CHCHD6: variants seen among roughly 807,000 people sequenced by gnomAD.
CHCHD6 encodes coiled-coil-helix-coiled-coil-helix domain containing 6, also known as MICOS complex subunit MIC25.
CHCHD6 carries 28 observed loss-of-function variants against 32.3 expected under a neutral mutation model. The observed-to-expected ratio is 0.87, with a 90% CI of 0.64 to 1.19. The LOEUF (loss-of-function observed/expected upper bound fraction) is 1.19, where lower values mean the gene tolerates loss of function less well. Ranked by LOEUF, CHCHD6 falls within the 50% of genes most tolerant of loss-of-function variation. CHCHD6 has a pLI of 0.00. For missense variants in CHCHD6, 333 were observed against 307.0 expected (o/e 1.08, Z -0.63); for synonymous variants, 122 against 117.5 (o/e 1.04, Z -0.25).
At chr3:126,761,613 G>C (rs371262289) in intron 4 of CHCHD6, among the ~76,000 whole-genome samples, 31 of 151,982 alleles carry the variant, frequency 2.0e-4, no homozygotes, top group East Asian at 1.5e-3. Flanking sequence ...TTTTAATAGG[G>C]ACAGGGTCTT....
intron 2 of CHCHD6, 144 bp downstream of exon 2, chr3:126,727,330 G>A (rs1256790110): frequency 3.2e-5 from 15 of 474,818 alleles, no homozygotes; most frequent in East Asian, 1.6e-4. Context: ...AGGGCTTTCC[G>A]GAAGAGCATG....
At chr3:126,860,496 A>G (rs1415408423) in intron 5 of CHCHD6, among the ~76,000 whole-genome samples, 2 of 152,154 alleles carry the variant, frequency 1.3e-5, no homozygotes, top group Admixed American at 1.3e-4. Context: ...ACCTAACGTA[A>G]ATGATGAGTT....
At chr3:126,737,210 C>G (rs2107661582) in intron 4 of CHCHD6, among the ~76,000 whole-genome samples, 1 of 152,088 alleles carries the variant, frequency 6.6e-6, no homozygotes, top group African/African-American at 2.4e-5. Flanking sequence ...ATCCCAGCTA[C>G]TTGGGAGGCT....
intron 4 of CHCHD6, among the ~76,000 whole-genome samples, chr3:126,769,492 A>G (rs1459590412): frequency 2.6e-5 from 4 of 151,964 alleles, no homozygotes; most frequent in African/African-American, 9.7e-5. Context: ...TGCCTGGGCT[A>G]TTTGGGCTCT....
intron 4 of CHCHD6, among the ~76,000 whole-genome samples, chr3:126,797,253 CT>C (rs945136002): frequency 6.6e-6 from 1 of 152,128 alleles, no homozygotes; most frequent in Non-Finnish European, 1.5e-5. Flanking sequence ...ACCTTATGTT[CT>C]TTTTTTCTCT....
At chr3:126,747,493 C>T (rs1273805694) in intron 4 of CHCHD6, among the ~76,000 whole-genome samples, 1 of 152,180 alleles carries the variant, frequency 6.6e-6, no homozygotes, top group African/African-American at 2.4e-5. Flanking sequence ...TAAACATTTT[C>T]TTAGTGAGGC....
chr3:126,839,224 A>C (rs749331211), intron 4 of CHCHD6, among the ~76,000 whole-genome samples: 1 of 152,080 alleles, frequency 6.6e-6, no homozygotes, highest in Non-Finnish European at 1.5e-5. Context: ...ACTCTGTGTC[A>C]CTTGGAATAA....
intron 5 of CHCHD6, among the ~76,000 whole-genome samples, chr3:126,877,497 G>T (rs1461358924): frequency 6.6e-6 from 1 of 151,872 alleles, no homozygotes; most frequent in African/African-American, 2.4e-5. Context: ...GGAGCTTGCA[G>T]TGAGCCGAGA....
chr3:126,864,512 TCTTCCACCTCCA>T, intron 5 of CHCHD6, among the ~76,000 whole-genome samples: 1 of 143,010 alleles, frequency 7.0e-6, no homozygotes, highest in African/African-American at 2.6e-5. Context: ...CATCACCTCC[TCTTCCACCTCCA>T]CCACCTCCTC....
At chr3:126,852,760 G>A (rs570159752) in intron 5 of CHCHD6, 30 bp downstream of exon 5, 14 of 1,502,620 alleles carry the variant, frequency 9.3e-6, no homozygotes, top group African/African-American at 4.1e-5. Flanking sequence ...GCATTCCTCG[G>A]GGCCAGGTCC....
intron 1 of CHCHD6, among the ~76,000 whole-genome samples, chr3:126,720,866 T>A (rs941960457): frequency 2.0e-5 from 3 of 152,154 alleles, no homozygotes; most frequent in Non-Finnish European, 4.4e-5. Flanking sequence ...CTCCTCATTC[T>A]CCCATACACT....
At chr3:126,742,398 C>G (rs1364881358) in intron 4 of CHCHD6, among the ~76,000 whole-genome samples, 1 of 152,208 alleles carries the variant, frequency 6.6e-6, no homozygotes, top group African/African-American at 2.4e-5. Context: ...CTTCCGGTAT[C>G]TCCCCTAAGA....
intron 4 of CHCHD6, among the ~76,000 whole-genome samples, chr3:126,798,679 A>G (rs1458172141): frequency 1.3e-5 from 2 of 152,044 alleles, no homozygotes; most frequent in Non-Finnish European, 2.9e-5. Flanking sequence ...GGGCTGAGTC[A>G]CCTTCTTGCC....
chr3:126,845,966 A>G lies in CHCHD6; in HGVS notation c.412-6681A>G, dbSNP rs185182679. 8.3e-4 allele frequency among the ~76,000 whole-genome samples: 126 copies of G among 152,300 alleles called. 1 individual carries two copies. The highest frequency in any genetic ancestry group is 2.9e-3 in the African/African-American group (119 of 41,560). ...ATCCAGGAGCATTTGTTCAAGAAAA[A>G]ATGAATGACTCTGAGTAAGAAAAGT... is the stretch of plus-strand genomic sequence containing the variant. On this transcript the variant is annotated intron_variant, in intron 4 of 7. Transcript: ENST00000290913.
chr3:126,941,625 AT>A (rs1324601785), intron 6 of CHCHD6, among the ~76,000 whole-genome samples: 1 of 152,212 alleles, frequency 6.6e-6, no homozygotes, highest in East Asian at 1.9e-4. Flanking sequence ...CTGTTGGTCT[AT>A]TTTGAAATAA....
chr3:126,704,477 C>T, intron 1 of CHCHD6, 78 bp downstream of exon 1: 3 of 913,798 alleles, frequency 3.3e-6, no homozygotes, highest in South Asian at 2.3e-5. Context: ...AGCGCAGGGC[C>T]GGGGCTCTTT....
At chr3:126,796,153 TG>T (rs1336645085) in intron 4 of CHCHD6, among the ~76,000 whole-genome samples, 1 of 152,108 alleles carries the variant, frequency 6.6e-6, no homozygotes, top group Non-Finnish European at 1.5e-5. Context: ...AAGACGAGCC[TG>T]GGCACCATAG....
At chr3:126,907,394 T>C (rs987998680) in intron 5 of CHCHD6, among the ~76,000 whole-genome samples, 1 of 152,250 alleles carries the variant, frequency 6.6e-6, no homozygotes, top group Non-Finnish European at 1.5e-5. Flanking sequence ...TTCTCATTCA[T>C]TCATTCATTG....
At chr3:126,888,476 A>G (rs1334822207) in intron 5 of CHCHD6, among the ~76,000 whole-genome samples, 2 of 152,180 alleles carry the variant, frequency 1.3e-5, no homozygotes, top group East Asian at 3.9e-4. Flanking sequence ...TGCGACAGCC[A>G]CCAAGCCACT....
Sources: gnomAD v4.1 joint callset for allele counts (sites outside exome capture counted in the v4.1 genomes callset) on GRCh38, gnomAD v4.1.1 for gene constraint, MANE v1.5 for transcripts, NCBI Gene and HGNC (gene_info 2026-07-23, HGNC 2026-07-21) for gene names.